Variants in SHISA9 observed in about 807,000 individuals in gnomAD.
The protein encoded by SHISA9 is protein shisa-9.
A neutral mutation model predicts 38.0 loss-of-function variants in SHISA9; 13 were observed. That is an observed-to-expected ratio of 0.34 (90% confidence interval 0.22 to 0.54). The LOEUF (loss-of-function observed/expected upper bound fraction) is 0.54, where lower values mean the gene tolerates loss of function less well. SHISA9 is among the 20% of genes least tolerant of loss of function. The pLI, the probability that SHISA9 is intolerant of heterozygous loss-of-function variation, is 0.91. For synonymous variants in SHISA9, 275 were observed against 242.0 expected (o/e 1.14, Z -1.27); for missense variants, 538 against 575.8 (o/e 0.93, Z 0.67).
chr16:13,033,998 T>G (rs1041316325), intron 2 of SHISA9, among the ~76,000 whole-genome samples: 1 of 152,012 alleles, frequency 6.6e-6, no homozygotes, highest in Non-Finnish European at 1.5e-5. Context: ...ATATGAAGAT[T>G]AGCCAGGTGT....
At chr16:12,997,160 C>T (rs1046025938) in intron 2 of SHISA9, among the ~76,000 whole-genome samples, 3 of 152,184 alleles carry the variant, frequency 2.0e-5, no homozygotes, top group East Asian at 3.9e-4. Flanking sequence ...TCAGAGGTAA[C>T]CACTGTTTTG....
the SHISA9 span, among the ~76,000 whole-genome samples, chr16:13,549,312 GGTTAA>G: frequency 1.3e-5 from 2 of 152,058 alleles, no homozygotes; most frequent in Non-Finnish European, 2.9e-5. Context: ...GGATGACTAT[GGTTAA>G]CAATATTTTA....
At chr16:13,307,752 G>A in the SHISA9 span, among the ~76,000 whole-genome samples, 43,870 of 152,056 alleles carry the variant, frequency 0.29, 7,149 homozygotes, top group Admixed American at 0.43. Context: ...TTAATAGAGA[G>A]GAAATGAACA....
rs188044685 is a variant in SHISA9 at position 13,130,273 on chromosome 16, C to T, written c.692-73121C>T. Among the ~76,000 whole-genome samples, 983 of 152,226 alleles carry T rather than the reference C, an allele frequency of 6.5e-3. 9 individuals are homozygous for T. Among genetic ancestry groups the T allele is most frequent in the African/African-American group, 0.022 (912 of 41,540 alleles). ...GCAACCTTAAGATTTAAGTATAATT[C>T]TCTCTCCTTGGTTCATATTATTCTC... On this transcript the variant is annotated intron_variant, in intron 2 of 4. Coordinates refer to ENST00000558583, the MANE Select transcript of SHISA9 (RefSeq NM_001145204.3).
At chr16:13,156,751 A>G (rs1227742185) in intron 2 of SHISA9, among the ~76,000 whole-genome samples, 6 of 152,000 alleles carry the variant, frequency 3.9e-5, no homozygotes, top group Non-Finnish European at 1.5e-5. Context: ...AAAAAAAAAA[A>G]AAATTACTTC....
the SHISA9 span, among the ~76,000 whole-genome samples, chr16:13,303,414 A>G: frequency 2.0e-5 from 3 of 152,354 alleles, no homozygotes; most frequent in East Asian, 5.8e-4. Flanking sequence ...AAAAAGGAAT[A>G]TAATACCAGA....
At chr16:13,002,515 C>T (rs2072538295) in intron 2 of SHISA9, among the ~76,000 whole-genome samples, 1 of 150,250 alleles carries the variant, frequency 6.7e-6, no homozygotes, top group Admixed American at 6.7e-5. Context: ...CAATGTGAGA[C>T]AGTCAGTTGG....
At chr16:13,095,033 C>G (rs771287212) in intron 2 of SHISA9, among the ~76,000 whole-genome samples, 1 of 152,226 alleles carries the variant, frequency 6.6e-6, no homozygotes, top group Admixed American at 6.5e-5. Flanking sequence ...CAGGCATTTT[C>G]TTCCTCCTTG....
chr16:13,459,279 A>C, the SHISA9 span, among the ~76,000 whole-genome samples: 1 of 152,162 alleles, frequency 6.6e-6, no homozygotes, highest in African/African-American at 2.4e-5. Flanking sequence ...TTAGTGACAG[A>C]GGATTTTGAC....
chr16:13,044,041 C>G (rs1226859296), intron 2 of SHISA9, among the ~76,000 whole-genome samples: 1 of 152,156 alleles, frequency 6.6e-6, no homozygotes, highest in Non-Finnish European at 1.5e-5. Flanking sequence ...TTGTGGTCCC[C>G]CAGTTAGAAA....
At chr16:12,911,107 T>G in intron 1 of SHISA9, 1 of 259,944 alleles carries the variant, frequency 3.8e-6, no homozygotes, top group Non-Finnish European at 6.0e-6. Context: ...ACCATCACAG[T>G]ACGCTTAGGG....
chr16:13,416,224 A>G, the SHISA9 span, among the ~76,000 whole-genome samples: 3 of 152,242 alleles, frequency 2.0e-5, no homozygotes, highest in Admixed American at 6.5e-5. Context: ...TGATAACAGT[A>G]GTAGGTGACA....
intron 3 of SHISA9, among the ~76,000 whole-genome samples, 157 bp downstream of exon 3, chr16:13,203,706 T>C (rs1023121670): frequency 2.0e-5 from 3 of 152,028 alleles, no homozygotes; most frequent in African/African-American, 7.2e-5. Flanking sequence ...TCATTTTTGT[T>C]CTCTCTCTGT....
At chr16:13,170,216 AAAAAG>A (rs1336763189) in intron 2 of SHISA9, among the ~76,000 whole-genome samples, 4 of 151,778 alleles carry the variant, frequency 2.6e-5, no homozygotes, top group East Asian at 3.9e-4. Context: ...AAAAAAAAAA[AAAAAG>A]AAAAGAAAAG....
the SHISA9 span, among the ~76,000 whole-genome samples, chr16:13,510,378 T>A: frequency 6.6e-6 from 1 of 152,190 alleles, no homozygotes; most frequent in Non-Finnish European, 1.5e-5. Context: ...ACAAAACTTA[T>A]TAGTGGCTGA....
chr16:13,125,495 GA>G lies in SHISA9; in HGVS notation c.692-77897del, dbSNP rs1396264661. Among the ~76,000 whole-genome samples, 9 of 152,306 alleles carry G rather than the reference GA, an allele frequency of 5.9e-5. 1 individual carries two copies. The highest frequency in any genetic ancestry group is 1.7e-4 in the African/African-American group (7 of 41,570). ...GAGGGGTGGTAACACTTATCTCACA[GA>G]ACCATTGTGATGGCTTACAGTCATG... On this transcript the variant is annotated intron_variant, in intron 2 of 4. Transcript: ENST00000558583.
intron 2 of SHISA9, among the ~76,000 whole-genome samples, chr16:12,973,620 T>A (rs2072115350): frequency 6.6e-6 from 1 of 152,238 alleles, no homozygotes; most frequent in African/African-American, 2.4e-5. Context: ...AGTTGCTTTT[T>A]TTTAGTGCCT....
rs541470544 is a variant in SHISA9, at chr16:13,214,240, T to C, written c.895+940T>C. 1.3e-3 allele frequency among the ~76,000 whole-genome samples: 198 copies of C among 152,290 alleles called. 1 individual carries two copies. The highest frequency in any genetic ancestry group is 4.6e-3 in the African/African-American group (192 of 41,562). On this transcript the variant is annotated intron_variant, in intron 4 of 4. Transcript: ENST00000558583. The stretch of plus-strand genomic sequence containing the variant: ...ATGAGACAGAGTCTCACTCTGTCAC[T>C]CAGGCTAAAGTGCCGTAGTGCGATC...
chr16:13,170,357 A>C (rs906680752), intron 2 of SHISA9, among the ~76,000 whole-genome samples: 13 of 152,152 alleles, frequency 8.5e-5, no homozygotes, highest in Non-Finnish European at 1.8e-4. Flanking sequence ...AGATCCCTGA[A>C]CTCAGGGGCT....
Sources: allele counts gnomAD v4.1 joint callset (sites outside exome capture counted in the v4.1 genomes callset), GRCh38; gene constraint gnomAD v4.1.1; transcripts MANE v1.5; gene names NCBI Gene and HGNC (gene_info 2026-07-23, HGNC 2026-07-21).